LRBA: variants seen among roughly 807,000 people sequenced by gnomAD.
LRBA encodes LPS responsive beige-like anchor protein, also known as lipopolysaccharide-responsive and beige-like anchor protein.
LRBA carries 176 observed loss-of-function variants against 330.0 expected under a neutral mutation model. That is an observed-to-expected ratio of 0.53 (90% CI 0.47 to 0.60). The LOEUF (loss-of-function observed/expected upper bound fraction) is 0.60, where lower values mean the gene tolerates loss of function less well. LRBA is among the 20% of genes least tolerant of loss of function. The pLI, the probability that LRBA is intolerant of heterozygous loss-of-function variation, is 0.00. For synonymous variants in LRBA, 1,230 were observed against 1,193.0 expected (o/e 1.03, Z -0.64); for missense variants, 3,259 against 3,444.8 (o/e 0.95, Z 1.35).
Position 150,419,424 on chromosome 4 carries a change from T to C in LRBA, c.7042-3834A>G, listed in dbSNP as rs578037477. Among the ~76,000 whole-genome samples the C allele has an allele frequency of 1.5e-4, 23 of 152,224 alleles. No individual in the cohort carries two copies. The Middle Eastern group carries it at 0.01, about 68-fold the overall frequency. ...GATGTGAAGGCTAGTTTTCTAGGTA[T>C]CACACAAGCCTGGACTCTCATTCAA... On this transcript the variant is annotated intron_variant, in intron 46 of 56. Coordinates refer to ENST00000651943, the MANE Select transcript of LRBA (RefSeq NM_001364905.1).
intron 46 of LRBA, among the ~76,000 whole-genome samples, chr4:150,425,927 A>C (rs1050573382): frequency 6.6e-6 from 1 of 152,078 alleles, no homozygotes; most frequent in African/African-American, 2.4e-5. Flanking sequence ...TGTGAAAGCA[A>C]AATTTTAGCT....
In LRBA at chr4:150,277,944, C is replaced by T. The variant is rs750339318; in HGVS notation, c.8377G>A (p.Val2793Met). The T allele has an allele frequency of 9.9e-6, 16 of 1,614,026 alleles. No homozygotes were observed. Among genetic ancestry groups the T allele is most frequent in the East Asian group, 4.5e-5 (2 of 44,890 alleles). ...LLTGGDRGVV[V>M]VRQVSDLKQL... Reference sequence around the variant, plus strand: ...TTGAGGTCCGACACCTGCCGGACCACGACCACTCCTCTGTCTCCTCCTGTG... The same window carrying T: ...TTGAGGTCCGACACCTGCCGGACCATGACCACTCCTCTGTCTCCTCCTGTG... Residue 2793 changes from valine to methionine, a missense_variant, in exon 56 of 57, where the codon GTG becomes ATG. Transcript: ENST00000651943.
At position 150,265,609 on chromosome 4, in the gene LRBA, A is replaced by C; in HGVS notation, c.*113T>G. On this transcript the variant is annotated 3_prime_UTR_variant, in exon 57 of 57. Transcript: ENST00000651943. Reference sequence around the variant, plus strand: ...ATAGCAATTATTAATAACTTTAAAAAATATTTTGCTTCTTTGAGCAAATTT... The same window carrying C: ...ATAGCAATTATTAATAACTTTAAAACATATTTTGCTTCTTTGAGCAAATTT... 1.5e-6 allele frequency: 1 copy of C among 688,410 alleles called. No individual in the cohort carries two copies. Among genetic ancestry groups the C allele is most frequent in the East Asian group, 2.7e-5 (1 of 36,914 alleles). 42.6% of individuals were successfully genotyped at this position (688,410 alleles called of 1,614,324 possible).
intron 34 of LRBA, among the ~76,000 whole-genome samples, chr4:150,764,852 C>G (rs183442156): frequency 4.7e-4 from 72 of 152,144 alleles, no homozygotes; most frequent in Non-Finnish European, 8.1e-4. Flanking sequence ...CACTGGAAGA[C>G]AGTTTGATGG....
rs570142607 is a variant in LRBA, at chr4:150,292,393, G to T, written c.8018-6359C>A. Among the ~76,000 whole-genome samples, 382 of 152,280 alleles carry T rather than the reference G, an allele frequency of 2.5e-3. 1 individual carries two copies. The highest frequency in any genetic ancestry group is 4.4e-3 in the Non-Finnish European group (298 of 68,020). ...ACTCTTATGAAAATCAGATCACTTT[G>T]AAATGCAGTATAACGTTTTCACTTG... On this transcript the variant is annotated intron_variant, in intron 53 of 56. Transcript: ENST00000651943.
intron 2 of LRBA, among the ~76,000 whole-genome samples, chr4:150,963,739 G>A (rs943449734): frequency 2.7e-5 from 4 of 148,712 alleles, no homozygotes; most frequent in East Asian, 1.9e-4. Context: ...TAGGAAGTGA[G>A]GAGCATCTCT....
rs750873540 is a variant in LRBA at position 150,872,670 on chromosome 4, C to T, written c.2251G>A (p.Ala751Thr). Reference protein sequence around the residue: ...KAMGYFLKHLAPKRKAEVMLG... With the variant: ...KAMGYFLKHLTPKRKAEVMLG... ...AGATTTCGGCATACTTACTTTGGGG[C>T]CAGATGTTTTAAAAAATAACCCATT... Residue 751 changes from alanine (A) to threonine (T), a missense_variant, in exon 18 of 57, where the codon GCC (alanine) becomes ACC (threonine). Coordinates refer to ENST00000651943, the MANE Select transcript of LRBA (RefSeq NM_001364905.1). 1.3e-5 allele frequency: 21 copies of T among 1,603,370 alleles called. No homozygotes were observed. The South Asian group carries it at 1.4e-4, about 11-fold the overall frequency.
chr4:150,328,028 G>A (rs1038762710), intron 48 of LRBA, among the ~76,000 whole-genome samples: 5 of 152,068 alleles, frequency 3.3e-5, no homozygotes. Context: ...TGGAAGCTAT[G>A]GTAATAGTAA....
At chr4:150,336,738 A>C (rs1365441738) in intron 48 of LRBA, among the ~76,000 whole-genome samples, 1 of 152,178 alleles carries the variant, frequency 6.6e-6, no homozygotes, top group Non-Finnish European at 1.5e-5. Context: ...GGCACATTAA[A>C]CTGAGTCCCA....
chr4:150,978,103 C>G (rs1415830175), intron 2 of LRBA, among the ~76,000 whole-genome samples: 1 of 152,242 alleles, frequency 6.6e-6, no homozygotes, highest in Non-Finnish European at 1.5e-5. Context: ...GTGCTGGCTT[C>G]AGATCTGACC....
At chr4:150,559,669 ATAT>A (rs1767869300) in intron 40 of LRBA, among the ~76,000 whole-genome samples, 2 of 85,188 alleles carry the variant, frequency 2.3e-5, no homozygotes, top group African/African-American at 9.7e-5. Context: ...TATAATATAT[ATAT>A]TATATAATAT....
In LRBA at chr4:150,712,508, C is replaced by T. The variant is rs141718421; in HGVS notation, c.5754+22750G>A. 4.1e-3 allele frequency among the ~76,000 whole-genome samples: 625 copies of T among 152,170 alleles called. 4 individuals carry two copies. Among genetic ancestry groups the T allele is most frequent in the African/African-American group, 0.014 (562 of 41,508 alleles). Reference sequence around the variant, plus strand: ...TCTAAAGGAATGCCAATGTCCTAATCAAAACATAAAGTGAGGTAAAAGTTT... The same window carrying T: ...TCTAAAGGAATGCCAATGTCCTAATTAAAACATAAAGTGAGGTAAAAGTTT... On this transcript the variant is annotated intron_variant, in intron 36 of 56. Transcript: ENST00000651943.
chr4:150,539,760 T>C (rs1269190285), intron 40 of LRBA, among the ~76,000 whole-genome samples: 1 of 152,212 alleles, frequency 6.6e-6, no homozygotes, highest in East Asian at 1.9e-4. Flanking sequence ...GTAACTGAGA[T>C]ACATATACAT....
At position 150,363,882 on chromosome 4, in the gene LRBA, C is replaced by T. The variant is rs1033418215; in HGVS notation, c.7195-13723G>A. On this transcript the variant is annotated intron_variant, in intron 47 of 56. Coordinates refer to ENST00000651943, the MANE Select transcript of LRBA (RefSeq NM_001364905.1). ...AGATCTTAAAGCACTGTTTAAGAAG[C>T]GTGAAATTGACCATAGCCACTTTAC... Among the ~76,000 whole-genome samples the T allele has an allele frequency of 6.6e-5, 10 of 152,226 alleles. No homozygotes were observed. In the East Asian group the frequency reaches 7.7e-4, roughly 12 times the overall value.
intron 48 of LRBA, among the ~76,000 whole-genome samples, chr4:150,340,446 T>C (rs1226469590): frequency 6.6e-6 from 1 of 152,218 alleles, no homozygotes; most frequent in Non-Finnish European, 1.5e-5. Context: ...TAATCTTAGA[T>C]AATCTAGTGG....
At chr4:150,847,579 G>A (rs190750124) in intron 26 of LRBA, among the ~76,000 whole-genome samples, 1 of 152,190 alleles carries the variant, frequency 6.6e-6, no homozygotes, top group African/African-American at 2.4e-5. Flanking sequence ...TTTCATAGGT[G>A]CTTTATCTCT....
At chr4:150,771,336 A>G (rs879664260) in intron 34 of LRBA, among the ~76,000 whole-genome samples, 4 of 152,172 alleles carry the variant, frequency 2.6e-5, no homozygotes, top group Admixed American at 1.3e-4. Flanking sequence ...TCCCAGCCAT[A>G]TAAGGTATTG....
intron 48 of LRBA, among the ~76,000 whole-genome samples, chr4:150,339,453 T>C (rs551226231): frequency 1.3e-5 from 2 of 152,290 alleles, no homozygotes; most frequent in East Asian, 3.9e-4. Flanking sequence ...TAACATACAT[T>C]GCTTGTTCAA....
At chr4:150,765,112 T>C (rs1735588060) in intron 34 of LRBA, among the ~76,000 whole-genome samples, 1 of 149,490 alleles carries the variant, frequency 6.7e-6, no homozygotes, top group Non-Finnish European at 1.5e-5. Context: ...TATCAAGCCA[T>C]GAAAGGACAT....
Sources: gnomAD v4.1 joint callset for allele counts (sites outside exome capture counted in the v4.1 genomes callset) on GRCh38, gnomAD v4.1.1 for gene constraint, MANE v1.5 for transcripts, NCBI Gene and HGNC (gene_info 2026-07-23, HGNC 2026-07-21) for gene names.